ADAM12: variants seen among roughly 807,000 people sequenced by gnomAD.
ADAM12 encodes disintegrin and metalloproteinase domain-containing protein 12.
Under a neutral mutation model 106.4 loss-of-function variants are expected in ADAM12, and 70 were observed. The ratio of observed to expected loss-of-function variants is 0.66; its 90% CI spans 0.54 to 0.80. ADAM12 has a LOEUF of 0.80. Ranked by LOEUF, ADAM12 falls within the 30% of genes least tolerant of loss-of-function variation. The pLI is 0.00. For missense variants in ADAM12, 1,010 were observed against 1,171.9 expected (o/e 0.86, Z 2.02); for synonymous variants, 420 against 433.5 (o/e 0.97, Z 0.39).
chr10:126,052,246 G>A (rs1166047475), intron 14 of ADAM12, among the ~76,000 whole-genome samples: 1 of 152,138 alleles, frequency 6.6e-6, no homozygotes, highest in Non-Finnish European at 1.5e-5. Flanking sequence ...TGCTGCAGCT[G>A]CCTGTGGAAG....
rs1347516269 is a variant in ADAM12, at chr10:126,017,299, G to A, written c.2701C>T (p.His901Tyr). Residue 901 changes from histidine (H) to tyrosine (Y), a missense_variant, in exon 23 of 23, where the codon CAC becomes TAC. Around this residue, in one of 3 missense-constraint regions of ADAM12, gnomAD observed 615 missense variants for 708.5 expected, o/e 0.87. Transcript: ENST00000448723. Reference protein sequence around the residue: ...QYPHQVPRSTHTAYIK With the variant: ...QYPHQVPRSTYTAYIK ...GCTTCTCACTTAATATAGGCGGTGTGGGTGGATCTGGGCACTTGGTGTGGA... is the reference window on the plus strand; with the variant it reads ...GCTTCTCACTTAATATAGGCGGTGTAGGTGGATCTGGGCACTTGGTGTGGA... 2 of 1,594,118 alleles carry A rather than the reference G, an allele frequency of 1.3e-6. No individual in the cohort carries two copies. Among genetic ancestry groups the A allele is most frequent in the Admixed American group, 3.5e-5 (2 of 57,072 alleles).
rs369193164 is a variant in ADAM12, at chr10:126,098,460, T to C, written c.952A>G (p.Ile318Val). 18 of 1,614,068 alleles carry C rather than the reference T, an allele frequency of 1.1e-5. No individual in the cohort carries two copies. The Middle Eastern group carries it at 4.9e-4, about 44-fold the overall frequency. ...FQGTTIGMAP[I>V]MSMCTADQSG... ...TGGTCTGCCGTGCACATGCTCATGA[T>C]TGGGGCCATGCCGATGGTGGTCCCT... Residue 318 changes from isoleucine (I) to valine (V), a missense_variant, in exon 10 of 23, where the codon ATC becomes GTC. Transcript: ENST00000448723.
intron 2 of ADAM12, among the ~76,000 whole-genome samples, chr10:126,281,609 C>T (rs1005218397): frequency 1.3e-5 from 2 of 152,208 alleles, no homozygotes; most frequent in Non-Finnish European, 2.9e-5. Flanking sequence ...CAGACAGCTA[C>T]TTTAATTGAA....
intron 21 of ADAM12, among the ~76,000 whole-genome samples, chr10:126,033,912 TGAA>T (rs903711710): frequency 4.6e-5 from 7 of 152,104 alleles, no homozygotes; most frequent in African/African-American, 1.7e-4. Flanking sequence ...TAAAGGAAAA[TGAA>T]GAGAATTTGT....
intron 11 of ADAM12, among the ~76,000 whole-genome samples, chr10:126,072,129 A>G (rs1955008261): frequency 1.3e-5 from 2 of 152,184 alleles, no homozygotes; most frequent in Admixed American, 6.5e-5. Flanking sequence ...ACTGTAGGGC[A>G]GGGCCTGCTG....
In ADAM12 at chr10:126,076,667, G is replaced by A. The variant is rs187033363; in HGVS notation, c.1146-5013C>T. On this transcript the variant is annotated intron_variant, in intron 11 of 22. Coordinates refer to ENST00000448723, the MANE Select transcript of ADAM12 (RefSeq NM_001288973.2). ...TCACTTGTATGTCTCCTTTTGAGAG[G>A]TGTCTGTTTATGTCCTTTGCCCATT... Among the ~76,000 whole-genome samples the A allele has an allele frequency of 9.9e-5, 15 of 152,252 alleles. No individual in the cohort carries two copies. The East Asian group carries it at 2.7e-3, about 27-fold the overall frequency.
intron 11 of ADAM12, among the ~76,000 whole-genome samples, chr10:126,086,584 C>T (rs113355189): frequency 0.12 from 14,532 of 124,826 alleles, 1,124 homozygotes; most frequent in African/African-American, 0.23. Flanking sequence ...GGCTGAGGAA[C>T]AAGAATCATT....
chr10:126,177,062 A>G (rs937125222), intron 3 of ADAM12, among the ~76,000 whole-genome samples: 1 of 142,008 alleles, frequency 7.0e-6, no homozygotes, highest in East Asian at 2.1e-4. Context: ...ACACACGCAC[A>G]CACACACGGT....
chr10:126,205,224 T>C (rs1387474949), intron 3 of ADAM12, among the ~76,000 whole-genome samples: 2 of 152,188 alleles, frequency 1.3e-5, no homozygotes, highest in Non-Finnish European at 2.9e-5. Context: ...TGAAGCAAGT[T>C]GTACCTTGCT....
In ADAM12 at chr10:126,335,034, C is replaced by T. The variant is rs79374830; in HGVS notation, c.89-4525G>A. ...GCTCAAATAAGTCAACACAGTAAAG[C>T]GCTTTCGAAAAGCTTAATGCATGAA... On this transcript the variant is annotated intron_variant, in intron 1 of 22. Transcript: ENST00000448723. Among the ~76,000 whole-genome samples, 967 of 152,330 alleles carry T rather than the reference C, an allele frequency of 6.3e-3. 9 individuals carry two copies. The highest frequency in any genetic ancestry group is 0.022 in the African/African-American group (920 of 41,576).
At position 126,108,671 on chromosome 10, in the gene ADAM12, A is replaced by C; in HGVS notation, c.670-7T>G. 2 of 1,611,598 alleles carry C rather than the reference A, an allele frequency of 1.2e-6. No individual in the cohort carries two copies. The highest frequency in any genetic ancestry group is 4.5e-5 in the East Asian group (2 of 44,874). On this transcript the variant is annotated splice_region_variant and splice_polypyrimidine_tract_variant and intron_variant, in intron 7 of 22. Coordinates refer to ENST00000448723, the MANE Select transcript of ADAM12 (RefSeq NM_001288973.2). ...CTTTTCCTTGCCTCTGAAACTTAAC[A>C]ATTTTAAATGGCAGCATTAATACCA...
chr10:126,308,485 G>A (rs980990175), intron 2 of ADAM12, among the ~76,000 whole-genome samples: 40 of 152,272 alleles, frequency 2.6e-4, no homozygotes, highest in African/African-American at 9.6e-4. Context: ...TTCAACACAA[G>A]TCTTTTCTTT....
chr10:126,342,292 T>C (rs548674735), intron 1 of ADAM12, among the ~76,000 whole-genome samples: 3 of 152,350 alleles, frequency 2.0e-5, no homozygotes, highest in Non-Finnish European at 4.4e-5. Context: ...CAACCTTTGA[T>C]TTTCTAGCCA....
At position 126,290,522 on chromosome 10, in the gene ADAM12, G is replaced by A. The variant is rs550240039; in HGVS notation, c.187-11534C>T. ...AAAGGCTGTTTGGAAACCATCATGCGTGACAAAATGAAAATGCATGCTTAT... is the reference window on the plus strand; with the variant it reads ...AAAGGCTGTTTGGAAACCATCATGCATGACAAAATGAAAATGCATGCTTAT... On this transcript the variant is annotated intron_variant, in intron 2 of 22. Transcript: ENST00000448723. Among the ~76,000 whole-genome samples the A allele has an allele frequency of 4.1e-3, 621 of 152,272 alleles. 7 individuals are homozygous for A. The highest frequency in any genetic ancestry group is 7.0e-3 in the Non-Finnish European group (477 of 68,028).
chr10:126,123,973 G>T (rs1956157521), intron 5 of ADAM12, among the ~76,000 whole-genome samples: 1 of 152,144 alleles, frequency 6.6e-6, no homozygotes, highest in African/African-American at 2.4e-5. Flanking sequence ...TTTCAAAGTG[G>T]ACACTCAAGA....
intron 3 of ADAM12, among the ~76,000 whole-genome samples, chr10:126,196,890 A>G (rs956223054): frequency 1.3e-5 from 2 of 152,216 alleles, no homozygotes; most frequent in African/African-American, 2.4e-5. Flanking sequence ...CAAAAATGTC[A>G]GTCAGGGAAA....
intron 21 of ADAM12, among the ~76,000 whole-genome samples, chr10:126,034,311 T>A (rs1954020236): frequency 1.3e-5 from 2 of 152,200 alleles, no homozygotes; most frequent in African/African-American, 4.8e-5. Context: ...AGGCCATGGA[T>A]GCTGCTAAAC....
At chr10:126,035,202 G>A (rs1380831004) in intron 21 of ADAM12, among the ~76,000 whole-genome samples, 2 of 152,112 alleles carry the variant, frequency 1.3e-5, no homozygotes, top group Non-Finnish European at 2.9e-5. Flanking sequence ...ATGTATATGA[G>A]TTCTGAAAAA....
At chr10:126,354,856 T>C (rs1396016492) in intron 1 of ADAM12, among the ~76,000 whole-genome samples, 1 of 152,086 alleles carries the variant, frequency 6.6e-6, no homozygotes, top group Admixed American at 6.5e-5. Context: ...AATGAAATTC[T>C]AAATCTGTAC....
Sources: gnomAD v4.1 joint callset for allele counts (sites outside exome capture counted in the v4.1 genomes callset) on GRCh38, gnomAD v4.1.1 for gene constraint, gnomAD v4.1.1 regional missense constraint, MANE v1.5 for transcripts, NCBI Gene and HGNC (gene_info 2026-07-23, HGNC 2026-07-21) for gene names.